KLF12: variants seen among roughly 807,000 people sequenced by gnomAD.
KLF12 encodes the protein KLF transcription factor 12, also known as Krueppel-like factor 12.
Under a neutral mutation model 37.8 loss-of-function variants are expected in KLF12, and 9 were observed. The ratio of observed to expected loss-of-function variants is 0.24; its 90% CI spans 0.14 to 0.42. The LOEUF (loss-of-function observed/expected upper bound fraction) is 0.42. Ranked by LOEUF, KLF12 falls within the 10% of genes least tolerant of loss-of-function variation. KLF12 has a pLI of 1.00. For missense variants in KLF12, 411 were observed against 516.0 expected, an observed-to-expected ratio of 0.80 and a Z score of 1.97; for synonymous variants, 208 against 202.1, an observed-to-expected ratio of 1.03 and a Z score of -0.25.
At chr13:73,912,091 G>A (rs1888597174) in intron 3 of KLF12, among the ~76,000 whole-genome samples, 1 of 152,140 alleles carries the variant, frequency 6.6e-6, no homozygotes, top group Non-Finnish European at 1.5e-5. Flanking sequence ...TCAGGAAAAT[G>A]CTGCCCATTG....
intron 1 of KLF12, among the ~76,000 whole-genome samples, chr13:74,124,571 T>G (rs1173238577): frequency 2.0e-5 from 3 of 152,222 alleles, no homozygotes; most frequent in Non-Finnish European, 4.4e-5. Context: ...TCACATAAAG[T>G]GCATTTAAAG....
chr13:74,002,199 C>A (rs1376352842), intron 1 of KLF12, among the ~76,000 whole-genome samples: 7 of 152,190 alleles, frequency 4.6e-5, no homozygotes, highest in African/African-American at 1.7e-4. Flanking sequence ...ATCTGCTCCT[C>A]AACACACAGC....
At chr13:74,106,734 T>C (rs890511468) in intron 1 of KLF12, among the ~76,000 whole-genome samples, 2 of 152,174 alleles carry the variant, frequency 1.3e-5, no homozygotes, top group African/African-American at 4.8e-5. Context: ...AACACAACTA[T>C]TGTTAGGTAT....
intron 1 of KLF12, among the ~76,000 whole-genome samples, chr13:74,082,633 A>C (rs77414765): frequency 0.012 from 1,884 of 152,242 alleles, 34 homozygotes; most frequent in African/African-American, 0.042. Context: ...TTTTTAGTGA[A>C]GATGAACATG....
At chr13:74,005,180 CATA>C (rs1892380191) in intron 1 of KLF12, among the ~76,000 whole-genome samples, 3 of 152,038 alleles carry the variant, frequency 2.0e-5, no homozygotes, top group African/African-American at 4.8e-5. Context: ...CTGCTATGAA[CATA>C]ATATTAAACA....
intron 6 of KLF12, among the ~76,000 whole-genome samples, chr13:73,727,137 G>T (rs919733312): frequency 6.6e-6 from 1 of 151,902 alleles, no homozygotes; most frequent in Non-Finnish European, 1.5e-5. Flanking sequence ...TTATTGCTGA[G>T]TTGTAAGATT....
chr13:74,232,926 C>G, the KLF12 span, among the ~76,000 whole-genome samples: 1 of 151,970 alleles, frequency 6.6e-6, no homozygotes, highest in Non-Finnish European at 1.5e-5. Context: ...TGCTCTGTCG[C>G]CCAGGCTGGA....
chr13:74,150,531 T>C, the KLF12 span, among the ~76,000 whole-genome samples: 1 of 152,266 alleles, frequency 6.6e-6, no homozygotes, highest in Non-Finnish European at 1.5e-5. Context: ...TTTTCCTTCT[T>C]CACAATTTCA....
At chr13:73,700,833 A>G (rs1005251285) in intron 7 of KLF12, among the ~76,000 whole-genome samples, 3 of 152,218 alleles carry the variant, frequency 2.0e-5, no homozygotes, top group Non-Finnish European at 4.4e-5. Flanking sequence ...TAGCTACTGC[A>G]TTGTGTTTTA....
intron 1 of KLF12, among the ~76,000 whole-genome samples, chr13:74,038,056 C>A (rs1407147067): frequency 1.3e-5 from 2 of 152,074 alleles, no homozygotes; most frequent in Admixed American, 6.6e-5. Context: ...GATAAAACTG[C>A]CTAGAACTGA....
At chr13:73,922,616 T>C (rs1324904300) in intron 3 of KLF12, among the ~76,000 whole-genome samples, 2 of 152,128 alleles carry the variant, frequency 1.3e-5, no homozygotes, top group African/African-American at 4.8e-5. Flanking sequence ...TCAGAGATAA[T>C]GGAATGAGAA....
At chr13:74,124,681 A>G (rs1162214663) in intron 1 of KLF12, among the ~76,000 whole-genome samples, 2 of 152,174 alleles carry the variant, frequency 1.3e-5, no homozygotes, top group African/African-American at 2.4e-5. Flanking sequence ...CATATCCTAG[A>G]ATCTATTTTT....
chr13:73,940,974 A>G (rs1890160738), intron 3 of KLF12, among the ~76,000 whole-genome samples: 1 of 152,192 alleles, frequency 6.6e-6, no homozygotes, highest in Non-Finnish European at 1.5e-5. Context: ...GCAGAGAACA[A>G]CTACATGCCT....
chr13:74,058,997 T>C (rs1873421508), intron 1 of KLF12, among the ~76,000 whole-genome samples: 1 of 152,244 alleles, frequency 6.6e-6, no homozygotes, highest in East Asian at 1.9e-4. Context: ...TTTATGACTA[T>C]GTGGACCCAC....
chr13:74,235,713 T>A, the KLF12 span, among the ~76,000 whole-genome samples: 2 of 152,298 alleles, frequency 1.3e-5, no homozygotes, highest in East Asian at 3.9e-4. Context: ...CTTTGAAGTA[T>A]GTAAGACATA....
At chr13:74,247,066 G>T in the KLF12 span, among the ~76,000 whole-genome samples, 1 of 152,172 alleles carries the variant, frequency 6.6e-6, no homozygotes, top group Non-Finnish European at 1.5e-5. Context: ...TACTAATAAT[G>T]AATTTTGAAG....
At chr13:73,928,162 T>C (rs1476697332) in intron 3 of KLF12, among the ~76,000 whole-genome samples, 1 of 152,228 alleles carries the variant, frequency 6.6e-6, no homozygotes, top group African/African-American at 2.4e-5. Context: ...GGCCAACATC[T>C]ATCTCTTAAG....
chr13:73,983,481 G>C (rs1038364699), intron 2 of KLF12, among the ~76,000 whole-genome samples: 2 of 152,118 alleles, frequency 1.3e-5, no homozygotes, highest in African/African-American at 2.4e-5. Context: ...TGTCCTCCCA[G>C]TTACTGCCTG....
chr13:74,204,475 T>C, the KLF12 span, among the ~76,000 whole-genome samples: 1 of 152,140 alleles, frequency 6.6e-6, no homozygotes, highest in Non-Finnish European at 1.5e-5. Flanking sequence ...CTGTAAGAAA[T>C]CCTCTAGGTT....
Sources: gnomAD v4.1 joint callset for allele counts (sites outside exome capture counted in the v4.1 genomes callset) on GRCh38, gnomAD v4.1.1 for gene constraint, MANE v1.5 for transcripts, NCBI Gene and HGNC (gene_info 2026-07-23, HGNC 2026-07-21) for gene names.